The following DOCK4 variants were observed in gnomAD, a reference collection of about 807,000 sequenced individuals.
The protein encoded by DOCK4 is dedicator of cytokinesis protein 4.
DOCK4 carries 97 observed loss-of-function variants against 268.1 expected under a neutral mutation model. The observed-to-expected ratio is 0.36, with a 90% CI of 0.31 to 0.43. The LOEUF is 0.43. Among genes scored for constraint, DOCK4 ranks in the 20% least tolerant of loss-of-function variants. The probability of loss-of-function intolerance (pLI) is 1.00; values close to 1 mark genes in which losing one functional copy is unlikely to be tolerated. For synonymous variants in DOCK4, 954 were observed against 887.2 expected (o/e 1.08, Z -1.34); for missense variants, 2,145 against 2,455.7 (o/e 0.87, Z 2.67).
intron 5 of DOCK4, among the ~76,000 whole-genome samples, chr7:111,989,870 G>A (rs1799380408): frequency 6.6e-6 from 1 of 152,136 alleles, no homozygotes. Context: ...TACCAATTTT[G>A]TCATCTGTAC....
intron 5 of DOCK4, among the ~76,000 whole-genome samples, chr7:111,993,077 G>C (rs1799663361): frequency 6.6e-6 from 1 of 152,178 alleles, no homozygotes; most frequent in Admixed American, 6.5e-5. Context: ...AAAGCTACCA[G>C]CTACAGGAGG....
At chr7:111,985,326 C>T in intron 6 of DOCK4, among the ~76,000 whole-genome samples, 1 of 152,260 alleles carries the variant, frequency 6.6e-6, no homozygotes. Flanking sequence ...CTAGCAGAGC[C>T]CCCTCAACCA....
At chr7:112,019,307 G>A (rs1802118427) in intron 1 of DOCK4, among the ~76,000 whole-genome samples, 1 of 152,112 alleles carries the variant, frequency 6.6e-6, no homozygotes, top group Non-Finnish European at 1.5e-5. Context: ...AGAATAAGGT[G>A]TACCTGCATG....
rs1230038874 is a variant in DOCK4 at position 111,872,039 on chromosome 7, C to T, written c.1978G>A (p.Val660Ile). ...QDSKFHHFKP[V>I]MDTYIESHFA... ...TGACTCTCAATGTAAGTGTCCATTA[C>T]AGGTTTAAAATGATGAAATTTGCTA... The change falls in exon 20 of 53, where the codon GTA (valine) becomes ATA (isoleucine). Residue 660 changes from valine to isoleucine, a missense_variant. Coordinates refer to ENST00000428084, the MANE Select transcript of DOCK4 (RefSeq NM_001363540.2). 1 of 1,558,744 alleles carries T rather than the reference C, an allele frequency of 6.4e-7. No individual in the cohort carries two copies. Among genetic ancestry groups the T allele is most frequent in the Admixed American group, 1.9e-5 (1 of 52,100 alleles).
intron 10 of DOCK4, among the ~76,000 whole-genome samples, chr7:111,941,622 C>T (rs1183544535): frequency 6.6e-6 from 1 of 151,554 alleles, no homozygotes; most frequent in Non-Finnish European, 1.5e-5. Context: ...AGTTATTTAA[C>T]ATCAGAAAGA....
intron 8 of DOCK4, among the ~76,000 whole-genome samples, chr7:111,976,272 TATATATATATATATA>T (rs1562954396): frequency 0.092 from 176 of 1,912 alleles, 1 homozygote; most frequent in African/African-American, 0.15. Flanking sequence ...GTGTCTATTA[TATATATATATATATA>T]TATATATATA....
intron 1 of DOCK4, among the ~76,000 whole-genome samples, chr7:112,151,759 T>G (rs1479516047): frequency 1.6e-5 from 2 of 125,262 alleles, no homozygotes; most frequent in African/African-American, 5.7e-5. Flanking sequence ...GAAGTAGAGA[T>G]GTGGAAAAAA....
intron 30 of DOCK4, among the ~76,000 whole-genome samples, chr7:111,797,439 C>T (rs75550789): frequency 6.6e-6 from 1 of 152,164 alleles, no homozygotes; most frequent in Non-Finnish European, 1.5e-5. Flanking sequence ...ATGTATTTCA[C>T]CTCACATGGA....
At chr7:111,730,414 G>A (rs1219330095) in intron 52 of DOCK4, among the ~76,000 whole-genome samples, 2 of 152,138 alleles carry the variant, frequency 1.3e-5, no homozygotes, top group South Asian at 2.1e-4. Flanking sequence ...TTTGAGAAAT[G>A]CTATCTTCTT....
intron 8 of DOCK4, among the ~76,000 whole-genome samples, chr7:111,948,969 C>T (rs1795842283): frequency 6.7e-6 from 1 of 150,094 alleles, no homozygotes; most frequent in Non-Finnish European, 1.5e-5. Flanking sequence ...AAACACAAAA[C>T]TCCAAAAAGA....
rs778923450 is a variant in DOCK4 at position 111,728,520 on chromosome 7, C to T, written c.5682G>A (p.Pro1894=). Residue 1894 remains proline (P), a synonymous_variant, in exon 53 of 53, where the codon CCG becomes CCA. Coordinates refer to ENST00000428084, the MANE Select transcript of DOCK4 (RefSeq NM_001363540.2). ...GCACTGGCTCCTCCCCGCCGTAGCT[C>T]GGCACGGGCACCGGCACTGGCACCG... is the stretch of plus-strand genomic sequence containing the variant. ...PLPVPVPVPV[P]SYGGEEPVRK... The T allele has an allele frequency of 4.3e-6, 7 of 1,613,324 alleles. No homozygotes were observed. Among genetic ancestry groups the T allele is most frequent in the South Asian group, 1.1e-5 (1 of 91,080 alleles).
At chr7:111,841,937 T>TA (rs1803731446) in intron 25 of DOCK4, among the ~76,000 whole-genome samples, 1 of 152,250 alleles carries the variant, frequency 6.6e-6, no homozygotes, top group African/African-American at 2.4e-5. Flanking sequence ...AAAAGTGTTT[T>TA]AGCTTCTGAT....
intron 1 of DOCK4, among the ~76,000 whole-genome samples, chr7:112,076,357 A>G (rs12668526): frequency 0.49 from 73,660 of 151,818 alleles, 19,016 homozygotes; most frequent in African/African-American, 0.67. Context: ...GGAATCAGTT[A>G]ATAAAGACAA....
chr7:111,729,126 C>A (rs997000783), intron 52 of DOCK4, among the ~76,000 whole-genome samples: 1 of 152,132 alleles, frequency 6.6e-6, no homozygotes, highest in Admixed American at 6.5e-5. Flanking sequence ...GAGGGAAGCC[C>A]GAGCAGACGA....
At chr7:112,080,546 CAT>C (rs766185123) in intron 1 of DOCK4, among the ~76,000 whole-genome samples, 9 of 152,168 alleles carry the variant, frequency 5.9e-5, no homozygotes, top group East Asian at 1.9e-4. Flanking sequence ...GTCATTTAGT[CAT>C]GTCTCAGATT....
chr7:112,046,542 T>A lies in DOCK4; in HGVS notation c.38-42411A>T, dbSNP rs537423797. On this transcript the variant is annotated intron_variant, in intron 1 of 52. Transcript: ENST00000428084. ...CAAGATGGAACAAAAGAAACTGGAT[T>A]TAACCCACTGCCTGAAACAACAAAA... Among the ~76,000 whole-genome samples the A allele has an allele frequency of 5.3e-5, 8 of 152,234 alleles. No individual in the cohort carries two copies. The East Asian group carries it at 1.3e-3, about 26-fold the overall frequency.
intron 30 of DOCK4, among the ~76,000 whole-genome samples, chr7:111,795,295 A>G (rs983168644): frequency 1.5e-5 from 2 of 131,546 alleles, no homozygotes; most frequent in Non-Finnish European, 3.0e-5. Context: ...GGACTTCTCT[A>G]AACAAACAAA....
At chr7:112,159,702 C>A (rs974879738) in intron 1 of DOCK4, among the ~76,000 whole-genome samples, 1 of 151,274 alleles carries the variant, frequency 6.6e-6, no homozygotes, top group African/African-American at 2.5e-5. Context: ...ACAATTCTGT[C>A]TTCCCACATT....
rs775492748 is a variant in DOCK4 at position 111,782,892 on chromosome 7, T to A, written c.3557A>T (p.Lys1186Ile). The A allele has an allele frequency of 2.5e-6, 4 of 1,613,540 alleles. No homozygotes were observed. The African/African-American group carries it at 5.3e-5, about 22-fold the overall frequency. ...DCMKMGEVDG[K>I]KIGCTVSLLN... ...AAGGCTAACTGTGCAGCCAATCTTT[T>A]TGCCATCTACCTCTCCCATTTTCAT... The change falls in exon 35 of 53, where the codon AAA becomes ATA. Residue 1186 changes from lysine (K) to isoleucine (I), a missense_variant. Transcript: ENST00000428084.
Sources: allele counts gnomAD v4.1 joint callset (sites outside exome capture counted in the v4.1 genomes callset), GRCh38; gene constraint gnomAD v4.1.1; transcripts MANE v1.5; gene names NCBI Gene and HGNC (gene_info 2026-07-23, HGNC 2026-07-21).